LRP1B: variants seen among roughly 807,000 people sequenced by gnomAD.
LRP1B encodes the protein low-density lipoprotein receptor-related protein 1B.
LRP1B carries 217 observed loss-of-function variants against 556.6 expected under a neutral mutation model. The observed-to-expected ratio is 0.39, with a 90% CI of 0.35 to 0.44. The LOEUF (loss-of-function observed/expected upper bound fraction) is 0.44. LRP1B is among the 20% of genes least tolerant of loss of function. The pLI, the probability that LRP1B is intolerant of heterozygous loss-of-function variation, is 1.00. For missense variants in LRP1B, 5,053 were observed against 5,620.8 expected (o/e 0.90, Z 3.23); for synonymous variants, 2,047 against 1,865.8 (o/e 1.10, Z -2.50).
At chr2:141,207,825 G>A (rs922433948) in intron 6 of LRP1B, among the ~76,000 whole-genome samples, 5 of 152,154 alleles carry the variant, frequency 3.3e-5, no homozygotes, top group Admixed American at 6.5e-5. Flanking sequence ...ACAGGCACCC[G>A]CCACCACGCC....
intron 1 of LRP1B, among the ~76,000 whole-genome samples, chr2:142,094,637 G>T (rs1018939258): frequency 2.0e-5 from 3 of 151,882 alleles, no homozygotes; most frequent in Non-Finnish European, 4.4e-5. Flanking sequence ...ATTAATAAAA[G>T]ATTCAATGAA....
rs769952676 is a variant in LRP1B, at chr2:140,716,097, T to C, written c.5899A>G (p.Ile1967Val). The change falls in exon 37 of 91, where the codon ATA becomes GTA. Residue 1967 changes from isoleucine (I) to valine (V), a missense_variant. Ile to Val is a conservative substitution (Grantham distance 29). Around this residue, in one of 5 missense-constraint regions of LRP1B, gnomAD observed 3,619 missense variants for 3,931.9 expected, o/e 0.92. Transcript: ENST00000389484. ...GIAVDWIAGNIYWTDHGFNLI... is the reference protein window; with the variant it reads ...GIAVDWIAGNVYWTDHGFNLI... ...TTGAAACCATGATCTGTCCAATATA[T>C]GTTACCTAGGAGAAATAATAGAGGT... 8.2e-6 allele frequency: 13 copies of C among 1,592,944 alleles called. No individual in the cohort carries two copies. Among genetic ancestry groups the C allele is most frequent in the Non-Finnish European group, 1.1e-5 (13 of 1,165,422 alleles).
chr2:141,475,448 A>G (rs1225635255), intron 3 of LRP1B, among the ~76,000 whole-genome samples: 1 of 152,122 alleles, frequency 6.6e-6, no homozygotes, highest in Non-Finnish European at 1.5e-5. Flanking sequence ...TCTTGCTTAT[A>G]CCCACTTTAA....
At chr2:141,111,309 CAG>C (rs1700743999) in intron 7 of LRP1B, among the ~76,000 whole-genome samples, 1 of 151,984 alleles carries the variant, frequency 6.6e-6, no homozygotes, top group African/African-American at 2.4e-5. Flanking sequence ...AAAACCAAGA[CAG>C]AGGAAAGCTG....
chr2:141,671,847 A>G (rs1690681285), intron 2 of LRP1B, among the ~76,000 whole-genome samples: 1 of 152,068 alleles, frequency 6.6e-6, no homozygotes. Context: ...CACAAACAAA[A>G]TGCTATTTAT....
chr2:141,881,305 A>C (rs2104894350), intron 1 of LRP1B, among the ~76,000 whole-genome samples: 1 of 152,236 alleles, frequency 6.6e-6, no homozygotes, highest in Non-Finnish European at 1.5e-5. Context: ...GTTTCAAAGT[A>C]ACTGATGGAA....
chr2:140,832,109 G>T (rs1217592857), intron 31 of LRP1B, among the ~76,000 whole-genome samples: 1 of 152,122 alleles, frequency 6.6e-6, no homozygotes, highest in Non-Finnish European at 1.5e-5. Flanking sequence ...ATCGACAATG[G>T]TTTGAACTGC....
At chr2:141,756,310 T>A (rs1246186594) in intron 2 of LRP1B, among the ~76,000 whole-genome samples, 1 of 152,052 alleles carries the variant, frequency 6.6e-6, no homozygotes, top group East Asian at 1.9e-4. Flanking sequence ...CTTTCCCCAA[T>A]AGAAGGGTTC....
chr2:141,667,230 C>A (rs1225866952), intron 2 of LRP1B, among the ~76,000 whole-genome samples: 3 of 152,056 alleles, frequency 2.0e-5, no homozygotes, highest in Non-Finnish European at 2.9e-5. Flanking sequence ...AAGTAATAAT[C>A]AGAATGAAAA....
intron 47 of LRP1B, among the ~76,000 whole-genome samples, chr2:140,531,157 A>C (rs553012446): frequency 6.6e-6 from 1 of 152,156 alleles, no homozygotes; most frequent in East Asian, 1.9e-4. Context: ...ATCTTCCCAT[A>C]GTTTCTTTTG....
intron 25 of LRP1B, among the ~76,000 whole-genome samples, chr2:140,875,751 T>G (rs574831123): frequency 6.6e-6 from 1 of 152,196 alleles, no homozygotes; most frequent in Non-Finnish European, 1.5e-5. Flanking sequence ...CAGGAAGCAT[T>G]GTCAATTGTG....
intron 20 of LRP1B, among the ~76,000 whole-genome samples, chr2:140,927,893 TTTTTTA>T (rs1694935301): frequency 6.6e-6 from 1 of 151,596 alleles, no homozygotes; most frequent in East Asian, 1.9e-4. Context: ...TTTATTTTTA[TTTTTTA>T]TTTTATTTAT....
At chr2:141,599,066 C>CCCCCCCCCCCCCCG (rs1687638982) in intron 2 of LRP1B, among the ~76,000 whole-genome samples, 1 of 78,708 alleles carries the variant, frequency 1.3e-5, no homozygotes, top group Non-Finnish European at 2.4e-5. Flanking sequence ...CCCCCCCCCC[C>CCCCCCCCCCCCCCG]CCCCCCCCGC....
chr2:141,108,511 G>C (rs139822375), intron 7 of LRP1B, among the ~76,000 whole-genome samples: 9,595 of 151,608 alleles, frequency 0.063, 371 homozygotes, highest in Middle Eastern at 0.12. Flanking sequence ...ACCATGCCCA[G>C]CTAATTTTTT....
intron 21 of LRP1B, among the ~76,000 whole-genome samples, chr2:140,908,867 T>G (rs1254895577): frequency 6.6e-6 from 1 of 152,182 alleles, no homozygotes; most frequent in Non-Finnish European, 1.5e-5. Context: ...TGGTGCAATC[T>G]CCATTCACTA....
intron 48 of LRP1B, 32 bp downstream of exon 48, chr2:140,526,205 A>C: frequency 6.3e-7 from 1 of 1,591,774 alleles, no homozygotes; most frequent in Non-Finnish European, 8.6e-7. Context: ...GTGCCCAAGC[A>C]TAAACAGACA....
intron 56 of LRP1B, among the ~76,000 whole-genome samples, chr2:140,495,317 T>C (rs906825635): frequency 7.3e-6 from 1 of 137,258 alleles, no homozygotes; most frequent in African/African-American, 2.6e-5. Flanking sequence ...ATAGTTCTTT[T>C]TTTTTTTTTT....
chr2:142,120,141 A>G (rs1707408535), intron 1 of LRP1B, among the ~76,000 whole-genome samples: 1 of 152,136 alleles, frequency 6.6e-6, no homozygotes. Context: ...TTTGAGACAG[A>G]GTCTCAGTTG....
chr2:140,497,363 G>A (rs1018055578), intron 55 of LRP1B, among the ~76,000 whole-genome samples: 3 of 151,850 alleles, frequency 2.0e-5, no homozygotes, highest in Admixed American at 6.6e-5. Context: ...TACTTTCCTT[G>A]AGAAGATCCA....
Sources: allele counts gnomAD v4.1 joint callset (sites outside exome capture counted in the v4.1 genomes callset), GRCh38; gene constraint gnomAD v4.1.1; regional missense constraint gnomAD v4.1.1; transcripts MANE v1.5; gene names NCBI Gene and HGNC (gene_info 2026-07-23, HGNC 2026-07-21).